The following CALCOCO1 variants were observed in gnomAD, a reference collection of about 807,000 sequenced individuals.
The protein encoded by CALCOCO1 is calcium binding and coiled-coil domain 1, also known as calcium-binding and coiled-coil domain-containing protein 1.
Under a neutral mutation model 86.3 loss-of-function variants are expected in CALCOCO1, and 44 were observed. The observed-to-expected ratio is 0.51, with a 90% CI of 0.40 to 0.66. The LOEUF (loss-of-function observed/expected upper bound fraction) is 0.66, where lower values mean the gene tolerates loss of function less well. Among genes scored for constraint, CALCOCO1 ranks in the 30% least tolerant of loss-of-function variants. The probability of loss-of-function intolerance (pLI) is 0.00; values close to 1 mark genes in which losing one functional copy is unlikely to be tolerated. For missense variants in CALCOCO1, 708 were observed against 851.1 expected, an observed-to-expected ratio of 0.83 and a Z score of 2.09; for synonymous variants, 297 against 327.6, an observed-to-expected ratio of 0.91 and a Z score of 1.01.
At position 53,712,104 on chromosome 12, in the gene CALCOCO1, G is replaced by T; in HGVS notation, c.1916C>A (p.Thr639Asn). 2.5e-6 allele frequency: 4 copies of T among 1,604,244 alleles called. No individual in the cohort carries two copies. Among genetic ancestry groups the T allele is most frequent in the Non-Finnish European group, 2.6e-6 (3 of 1,174,908 alleles). Reference sequence around the variant, plus strand: ...GCCCCCAGTGCTGGTTTCTGACAGGGTACCCACTGTAAAGCCACTAAGAGA... The same window carrying T: ...GCCCCCAGTGCTGGTTTCTGACAGGTTACCCACTGTAAAGCCACTAAGAGA... ...YDMASGFTVG[T>N]LSETSTGGPA... The change falls in exon 15 of 15, where the codon ACC becomes AAC. Residue 639 changes from threonine (T) to asparagine (N), a missense_variant. Transcript: ENST00000550804.
At chr12:53,716,488 TGA>T in intron 7 of CALCOCO1, 73 bp from the exon 8 acceptor site, 2 of 1,506,218 alleles carry the variant, frequency 1.3e-6, no homozygotes, top group Non-Finnish European at 9.2e-7. Context: ...ACCATTGTGA[TGA>T]GAGAGGTCAA....
chr12:53,710,190 G>A lies in CALCOCO1; in HGVS notation c.*1754C>T, dbSNP rs12309164. ...AAGGAGGATCAATAAAGAGGGGTTG[G>A]GATGGAGAGAGGAGAGATCCATTAT... On this transcript the variant is annotated 3_prime_UTR_variant, in exon 15 of 15. Coordinates refer to ENST00000550804, the MANE Select transcript of CALCOCO1 (RefSeq NM_020898.3). 0.78 allele frequency: 119,081 copies of A among 152,164 alleles called. 46,792 individuals are homozygous for A. The highest frequency in any genetic ancestry group is 0.9 in the East Asian group (4,646 of 5,176). 9.4% of individuals were successfully genotyped at this position (152,164 alleles called of 1,614,324 possible). A position where few individuals can be genotyped will look rare whatever the true frequency, so the allele number is the denominator to read the frequency against.
chr12:53,723,992 G>C, intron 3 of CALCOCO1: 2 of 584,962 alleles, frequency 3.4e-6, no homozygotes, highest in Non-Finnish European at 6.1e-6. Flanking sequence ...TTACCATGTA[G>C]TGAGTGCGTA....
Position 53,711,396 on chromosome 12 carries a change from C to G in CALCOCO1, c.*548G>C, listed in dbSNP as rs993925160. On this transcript the variant is annotated 3_prime_UTR_variant, in exon 15 of 15. Coordinates refer to ENST00000550804, the MANE Select transcript of CALCOCO1 (RefSeq NM_020898.3). ...TTATGGAAAAGGCTAGGGTGGGGCA[C>G]AGAAGTCAATGGGGGAACAGAAAGA... is the stretch of plus-strand genomic sequence containing the variant. 1.8e-5 allele frequency: 7 copies of G among 388,746 alleles called. 1 individual carries two copies. The highest frequency in any genetic ancestry group is 1.5e-4 in the African/African-American group (7 of 48,240). The allele number at this position is 388,746 out of a possible 1,614,324, so 24.1% of individuals were successfully genotyped here. A position where few individuals can be genotyped will look rare whatever the true frequency, so the allele number is the denominator to read the frequency against.
chr12:53,710,441 G>A lies in CALCOCO1; in HGVS notation c.*1503C>T, dbSNP rs1025940245. The stretch of plus-strand genomic sequence containing the variant: ...AGGGAGCTATTGGGTTGGAGGACGA[G>A]GGGGTTGTAGGCATGTGCTTGTGCA... On this transcript the variant is annotated 3_prime_UTR_variant, in exon 15 of 15. Transcript: ENST00000550804. 1 of 152,760 alleles carries A rather than the reference G, an allele frequency of 6.5e-6. No homozygotes were observed. Among genetic ancestry groups the A allele is most frequent in the African/African-American group, 2.4e-5 (1 of 41,458 alleles). The allele number at this position is 152,760 out of a possible 1,614,324, so 9.5% of individuals were successfully genotyped here. A position where few individuals can be genotyped will look rare whatever the true frequency, so the allele number is the denominator to read the frequency against.
At chr12:53,716,523 A>G in intron 7 of CALCOCO1, 108 bp from the exon 8 acceptor site, 1 of 1,173,622 alleles carries the variant, frequency 8.5e-7, no homozygotes, top group South Asian at 1.4e-5. Context: ...CAGATTTAAC[A>G]CACACTCAAG....
At chr12:53,712,500 T>C (rs1022180734) in intron 14 of CALCOCO1, 3 of 229,300 alleles carry the variant, frequency 1.3e-5, no homozygotes, top group Non-Finnish European at 2.6e-5. Flanking sequence ...CCATCTCACA[T>C]CCAGGCAAAA....
Position 53,713,916 on chromosome 12 carries a change from C to T in CALCOCO1, c.1592-16G>A. The T allele has an allele frequency of 6.6e-7, 1 of 1,524,260 alleles. No homozygotes were observed. The highest frequency in any genetic ancestry group is 1.3e-5 in the South Asian group (1 of 76,354). 94.4% of individuals were successfully genotyped at this position (1,524,260 alleles called of 1,614,324 possible). A position where few individuals can be genotyped will look rare whatever the true frequency, so the allele number is the denominator to read the frequency against. On this transcript the variant is annotated splice_polypyrimidine_tract_variant and intron_variant, in intron 12 of 14. Coordinates refer to ENST00000550804, the MANE Select transcript of CALCOCO1 (RefSeq NM_020898.3). ...GCCGGGCAGCCTGTAGGAGATGAAG[C>T]AGGCAGAGAAGAAAAAAGGATGTGT... is the stretch of plus-strand genomic sequence containing the variant.
rs1279673951 is a variant in CALCOCO1, at chr12:53,715,467, T to A, written c.1261-142A>T. On this transcript the variant is annotated intron_variant, in intron 9 of 14. Transcript: ENST00000550804. ...AGCACTTTCCCCTTTTTGCCTTCATTTCCTATACCCTCTGAATGAAGGACA... is the reference window on the plus strand; with the variant it reads ...AGCACTTTCCCCTTTTTGCCTTCATATCCTATACCCTCTGAATGAAGGACA... 2.6e-6 allele frequency: 3 copies of A among 1,142,744 alleles called. No homozygotes were observed. In the African/African-American group the frequency reaches 4.6e-5, roughly 18 times the overall value. The allele number at this position is 1,142,744 out of a possible 1,614,324, so 70.8% of individuals were successfully genotyped here. A position where few individuals can be genotyped will look rare whatever the true frequency, so the allele number is the denominator to read the frequency against.
At chr12:53,727,378 G>GCC (rs542925640) in intron 1 of CALCOCO1, 26 bp downstream of exon 1, 1 of 152,106 alleles carries the variant, frequency 6.6e-6, no homozygotes, top group Non-Finnish European at 1.5e-5. Context: ...CCATAAGATC[G>GCC]CCCCCAATTA....
chr12:53,714,953 G>A (rs886271412), intron 10 of CALCOCO1, among the ~76,000 whole-genome samples: 3 of 152,116 alleles, frequency 2.0e-5, no homozygotes, highest in African/African-American at 7.2e-5. Context: ...GGGTGCAGAG[G>A]CCTTGGTCAT....
intron 4 of CALCOCO1, among the ~76,000 whole-genome samples, chr12:53,723,318 C>T (rs1475754249): frequency 6.6e-6 from 1 of 152,172 alleles, no homozygotes; most frequent in Non-Finnish European, 1.5e-5. Flanking sequence ...TCCTCTAGGG[C>T]ATAGGGCAGG....
chr12:53,725,000 G>C, intron 2 of CALCOCO1, 87 bp downstream of exon 2: 1 of 1,381,834 alleles, frequency 7.2e-7, no homozygotes, highest in Non-Finnish European at 9.9e-7. Flanking sequence ...ATCAACCTGA[G>C]GTTGAGAATC....
chr12:53,724,148 A>G, intron 3 of CALCOCO1: 1 of 423,838 alleles, frequency 2.4e-6, no homozygotes, highest in Non-Finnish European at 4.6e-6. Flanking sequence ...CTCCTGCCTC[A>G]GCCTTGTGAG....
At chr12:53,726,717 A>G (rs1946043287) in intron 1 of CALCOCO1, among the ~76,000 whole-genome samples, 1 of 152,174 alleles carries the variant, frequency 6.6e-6, no homozygotes, top group African/African-American at 2.4e-5. Flanking sequence ...GTTTTTTTTA[A>G]TGTTCATCTC....
At chr12:53,727,192 C>CGAGGGGG (rs1477773287) in intron 1 of CALCOCO1, among the ~76,000 whole-genome samples, 1 of 152,114 alleles carries the variant, frequency 6.6e-6, no homozygotes, top group Non-Finnish European at 1.5e-5. Context: ...GAGAGGACGA[C>CGAGGGGG]GAGGGGGCGC....
chr12:53,711,206 AG>A lies in CALCOCO1; in HGVS notation c.*737del, dbSNP rs985160334. On this transcript the variant is annotated 3_prime_UTR_variant, in exon 15 of 15. Coordinates refer to ENST00000550804, the MANE Select transcript of CALCOCO1 (RefSeq NM_020898.3). Reference sequence around the variant, plus strand: ...TTGCTGTGGGGGGACCTGGAGAGGGAGGGGGGCCTTGGAAATGGGGATACCT... The same window carrying A: ...TTGCTGTGGGGGGACCTGGAGAGGGAGGGGGCCTTGGAAATGGGGATACCT... The A allele has an allele frequency of 3.5e-5, 14 of 397,892 alleles. No individual in the cohort carries two copies. The highest frequency in any genetic ancestry group is 7.1e-5 in the East Asian group (2 of 28,050). 24.6% of individuals were successfully genotyped at this position (397,892 alleles called of 1,614,324 possible).
In CALCOCO1 at chr12:53,724,672, G is replaced by A. The variant is rs1302540576; in HGVS notation, c.232C>T (p.Pro78Ser). 1.9e-6 allele frequency: 3 copies of A among 1,613,948 alleles called. No homozygotes were observed. Among genetic ancestry groups the A allele is most frequent in the Non-Finnish European group, 1.7e-6 (2 of 1,179,906 alleles). ...TGGAACTGGACACTGGTGTGAATGGGGGAACCATCAGTTGTACTTTCAGGC... is the reference window on the plus strand; with the variant it reads ...TGGAACTGGACACTGGTGTGAATGGAGGAACCATCAGTTGTACTTTCAGGC... Reference protein sequence around the residue: ...SVPESTTDGSPIHTSVQFQAS... With the variant: ...SVPESTTDGSSIHTSVQFQAS... The change falls in exon 3 of 15, where the codon CCC (proline) becomes TCC (serine). Residue 78 changes from proline (P) to serine (S), a missense_variant. Transcript: ENST00000550804.
At chr12:53,713,572 G>A in intron 13 of CALCOCO1, 129 bp downstream of exon 13, 1 of 846,754 alleles carries the variant, frequency 1.2e-6, no homozygotes, top group East Asian at 2.5e-5. Flanking sequence ...AGACTGAGGT[G>A]GGAGGATCGC....
Sources: allele counts gnomAD v4.1 joint callset (sites outside exome capture counted in the v4.1 genomes callset), GRCh38; gene constraint gnomAD v4.1.1; transcripts MANE v1.5; gene names NCBI Gene and HGNC (gene_info 2026-07-23, HGNC 2026-07-21).